CAMTA1: variants seen among roughly 807,000 people sequenced by gnomAD.
CAMTA1 encodes the protein calmodulin-binding transcription activator 1.
A neutral mutation model predicts 170.9 loss-of-function variants in CAMTA1; 27 were observed. The observed-to-expected ratio is 0.16, with a 90% CI of 0.12 to 0.22. The LOEUF is 0.22. Among genes scored for constraint, CAMTA1 ranks in the 10% least tolerant of loss-of-function variants. The pLI, the probability that CAMTA1 is intolerant of heterozygous loss-of-function variation, is 1.00. For synonymous variants in CAMTA1, 833 were observed against 891.5 expected (o/e 0.93, Z 1.17); for missense variants, 1,619 against 2,217.2 (o/e 0.73, Z 5.42).
chr1:7,468,004 T>C (rs1488898255), intron 6 of CAMTA1, 103 bp downstream of exon 6: 2 of 931,188 alleles, frequency 2.1e-6, no homozygotes, highest in East Asian at 2.4e-5. Flanking sequence ...GGCTTCGGGC[T>C]GAGAGCCCTG....
intron 6 of CAMTA1, among the ~76,000 whole-genome samples, chr1:7,481,898 T>G (rs1274110034): frequency 6.6e-6 from 1 of 151,916 alleles, no homozygotes; most frequent in Non-Finnish European, 1.5e-5. Flanking sequence ...GATCGATGCG[T>G]GCGTCAGTCA....
At chr1:7,742,129 A>G (rs934252337) in intron 16 of CAMTA1, among the ~76,000 whole-genome samples, 4 of 140,874 alleles carry the variant, frequency 2.8e-5, no homozygotes, top group Non-Finnish European at 6.4e-5. Context: ...GTGTGTATAT[A>G]TACATATATA....
At chr1:7,558,239 C>T (rs540975415) in intron 6 of CAMTA1, among the ~76,000 whole-genome samples, 34 of 152,354 alleles carry the variant, frequency 2.2e-4, no homozygotes, top group African/African-American at 7.0e-4. Flanking sequence ...CTGCTCATGG[C>T]GCCAGGGCCC....
intron 11 of CAMTA1, among the ~76,000 whole-genome samples, chr1:7,725,256 T>C (rs569107818): frequency 1.4e-4 from 21 of 152,186 alleles, no homozygotes; most frequent in Non-Finnish European, 2.8e-4. Context: ...GAAAATAGAC[T>C]GCTTTAGAGA....
At chr1:7,486,672 T>C (rs531091239) in intron 6 of CAMTA1, among the ~76,000 whole-genome samples, 1 of 152,350 alleles carries the variant, frequency 6.6e-6, no homozygotes, top group South Asian at 2.1e-4. Context: ...TCAGGCTCCC[T>C]GTCTGTCCTG....
intron 22 of CAMTA1, among the ~76,000 whole-genome samples, chr1:7,759,710 A>T (rs893088513): frequency 2.0e-5 from 3 of 152,258 alleles, no homozygotes; most frequent in African/African-American, 4.8e-5. Flanking sequence ...GAGTATATCT[A>T]ACAGGATATT....
At chr1:6,873,825 A>G (rs1043407346) in intron 3 of CAMTA1, among the ~76,000 whole-genome samples, 1 of 152,224 alleles carries the variant, frequency 6.6e-6, no homozygotes, top group African/African-American at 2.4e-5. Context: ...CTGTAAGCCA[A>G]TGGATGTTTT....
chr1:6,902,084 T>TAAAAA (rs143405526), intron 3 of CAMTA1, among the ~76,000 whole-genome samples: 3 of 105,006 alleles, frequency 2.9e-5, no homozygotes, highest in African/African-American at 4.1e-5. Flanking sequence ...AAAAAAAAAA[T>TAAAAA]AAAAATAAAA....
In CAMTA1 at chr1:7,276,278, CATATATATATAT is replaced by C. The variant is rs1210333666; in HGVS notation, c.438+26667_438+26678del. On this transcript the variant is annotated intron_variant, in intron 5 of 22. Transcript: ENST00000303635. ...AATCTACAGAAAGCCTACACCTGAT[CATATATATATAT>C]ATATATATATATATTTTTTTTTTTT... 1.1e-3 allele frequency among the ~76,000 whole-genome samples: 63 copies of C among 58,498 alleles called. 5 individuals are homozygous for C. Among genetic ancestry groups the C allele is most frequent in the Non-Finnish European group, 1.3e-3 (47 of 37,588 alleles). The allele number at this position is 58,498 out of a possible 152,430, so 38.4% of individuals were successfully genotyped here. A position where few individuals can be genotyped will look rare whatever the true frequency, so the allele number is the denominator to read the frequency against.
At chr1:7,365,511 G>A (rs867579989) in intron 5 of CAMTA1, among the ~76,000 whole-genome samples, 14 of 151,980 alleles carry the variant, frequency 9.2e-5, no homozygotes, top group South Asian at 2.1e-4. Context: ...GCAGCCAAGC[G>A]TCTTCTTTCC....
intron 11 of CAMTA1, among the ~76,000 whole-genome samples, chr1:7,714,340 G>A (rs962689285): frequency 6.6e-6 from 1 of 152,078 alleles, no homozygotes; most frequent in African/African-American, 2.4e-5. Flanking sequence ...CCTCTGAATG[G>A]TCTACCTTTA....
intron 4 of CAMTA1, among the ~76,000 whole-genome samples, chr1:7,210,001 C>T (rs145232003): frequency 1.9e-4 from 29 of 152,248 alleles, no homozygotes; most frequent in African/African-American, 4.8e-4. Flanking sequence ...CATGATGCCC[C>T]GTTAACCCTA....
chr1:7,445,358 G>A (rs938220304), intron 5 of CAMTA1, among the ~76,000 whole-genome samples: 2 of 151,940 alleles, frequency 1.3e-5, no homozygotes, highest in African/African-American at 4.8e-5. Context: ...GACAAGGGTG[G>A]AGACGGAGCT....
At chr1:7,139,933 A>G (rs1393272563) in intron 4 of CAMTA1, among the ~76,000 whole-genome samples, 1 of 152,230 alleles carries the variant, frequency 6.6e-6, no homozygotes, top group Non-Finnish European at 1.5e-5. Context: ...GCATTTAAAA[A>G]TATATCAAGA....
intron 6 of CAMTA1, among the ~76,000 whole-genome samples, chr1:7,472,519 C>T (rs140904534): frequency 6.6e-6 from 1 of 152,232 alleles, no homozygotes; most frequent in Non-Finnish European, 1.5e-5. Context: ...TAGGGGGCAA[C>T]CATCGCTGCC....
At chr1:7,152,053 C>A (rs1482506980) in intron 4 of CAMTA1, among the ~76,000 whole-genome samples, 1 of 152,104 alleles carries the variant, frequency 6.6e-6, no homozygotes, top group African/African-American at 2.4e-5. Flanking sequence ...TTTAATACTG[C>A]CCGGTTGAGG....
chr1:7,154,981 TC>T (rs1646779680), intron 4 of CAMTA1, among the ~76,000 whole-genome samples: 1 of 152,114 alleles, frequency 6.6e-6, no homozygotes, highest in Non-Finnish European at 1.5e-5. Flanking sequence ...TAAATATCTC[TC>T]CTGTCCTGTG....
At chr1:7,339,490 T>C (rs78813271) in intron 5 of CAMTA1, among the ~76,000 whole-genome samples, 4,819 of 152,302 alleles carry the variant, frequency 0.032, 102 homozygotes, top group Non-Finnish European at 0.053. Context: ...CATGTCTCCT[T>C]CTAAGCCCTT....
chr1:7,444,450 G>A (rs978273530), intron 5 of CAMTA1, among the ~76,000 whole-genome samples: 93 of 152,216 alleles, frequency 6.1e-4, no homozygotes, highest in African/African-American at 2.2e-3. Context: ...GCTGCAGTAC[G>A]TGGCCATAGT....
Sources: gnomAD v4.1 joint callset for allele counts (sites outside exome capture counted in the v4.1 genomes callset) on GRCh38, gnomAD v4.1.1 for gene constraint, MANE v1.5 for transcripts, NCBI Gene and HGNC (gene_info 2026-07-23, HGNC 2026-07-21) for gene names.